CRTC3: variants seen among roughly 807,000 people sequenced by gnomAD.
CRTC3 encodes CREB regulated transcription coactivator 3, also known as CREB-regulated transcription coactivator 3.
In CRTC3, 26 loss-of-function variants were observed where a neutral mutation model predicts 74.5. The observed-to-expected ratio is 0.35, with a 90% CI of 0.26 to 0.48. The LOEUF is 0.48. CRTC3 is among the 20% of genes least tolerant of loss of function. The pLI, the probability that CRTC3 is intolerant of heterozygous loss-of-function variation, is 0.99. For missense variants in CRTC3, 760 were observed against 787.3 expected (o/e 0.97, Z 0.41); for synonymous variants, 377 against 325.8 (o/e 1.16, Z -1.69).
chr15:90,555,980 A>G (rs1966885504), intron 2 of CRTC3, among the ~76,000 whole-genome samples: 2 of 152,154 alleles, frequency 1.3e-5, no homozygotes, highest in Non-Finnish European at 2.9e-5. Context: ...GGAACAGAAA[A>G]AATGAGCCAT....
chr15:90,552,153 A>C (rs1966860331), intron 2 of CRTC3, among the ~76,000 whole-genome samples: 1 of 152,222 alleles, frequency 6.6e-6, no homozygotes, highest in Admixed American at 6.5e-5. Flanking sequence ...TGTATTAGGC[A>C]CAGGACACAT....
intron 6 of CRTC3, among the ~76,000 whole-genome samples, chr15:90,613,149 C>T (rs1396921537): frequency 6.8e-6 from 1 of 146,676 alleles, no homozygotes; most frequent in African/African-American, 2.6e-5. Flanking sequence ...CGCCACCGCA[C>T]TCCAGCCTGG....
chr15:90,641,000 T>C lies in CRTC3; in HGVS notation c.1549-97T>C. On this transcript the variant is annotated intron_variant, in intron 13 of 14. Coordinates refer to ENST00000268184, the MANE Select transcript of CRTC3 (RefSeq NM_022769.5). ...GGAAAGAAGGGAATATGGATTAGTT[T>C]GCAAGTCAGGTTTTGCTCTGGGAGC... is the stretch of plus-strand genomic sequence containing the variant. 4 of 771,546 alleles carry C rather than the reference T, an allele frequency of 5.2e-6. No homozygotes were observed. In the South Asian group the frequency reaches 5.8e-5, roughly 11 times the overall value. The allele number at this position is 771,546 out of a possible 1,614,324, so 47.8% of individuals were successfully genotyped here.
chr15:90,593,560 G>A (rs1218610782), intron 2 of CRTC3, 76 bp from the exon 3 acceptor site: 5 of 1,547,762 alleles, frequency 3.2e-6, no homozygotes, highest in East Asian at 4.6e-5. Context: ...TTCATCTCCT[G>A]TTGTTATCAG....
intron 11 of CRTC3, 98 bp from the exon 12 acceptor site, chr15:90,638,348 A>G: frequency 4.8e-6 from 5 of 1,043,922 alleles, no homozygotes; most frequent in South Asian, 4.2e-5. Flanking sequence ...GGTGAGGAAA[A>G]TCTCAGGCTT....
chr15:90,558,289 A>C (rs1294455901), intron 2 of CRTC3, among the ~76,000 whole-genome samples: 3 of 152,052 alleles, frequency 2.0e-5, no homozygotes, highest in Non-Finnish European at 1.5e-5. Flanking sequence ...CTGGCAGAGG[A>C]GTCCTGTCTT....
In CRTC3 at chr15:90,534,298, G is replaced by A. The variant is rs184717413; in HGVS notation, c.132+4095G>A. Reference sequence around the variant, plus strand: ...CTTCATTAAGTGGACACTGGCAGGAGCAGGTTTGTGCGGAAATGCTGAGTT... The same window carrying A: ...CTTCATTAAGTGGACACTGGCAGGAACAGGTTTGTGCGGAAATGCTGAGTT... On this transcript the variant is annotated intron_variant, in intron 1 of 14. Coordinates refer to ENST00000268184, the MANE Select transcript of CRTC3 (RefSeq NM_022769.5). Among the ~76,000 whole-genome samples the A allele has an allele frequency of 4.4e-4, 67 of 152,302 alleles. 1 individual carries two copies. The highest frequency in any genetic ancestry group is 1.6e-3 in the African/African-American group (66 of 41,572).
At chr15:90,592,873 G>A (rs1251885172) in intron 2 of CRTC3, among the ~76,000 whole-genome samples, 3 of 152,144 alleles carry the variant, frequency 2.0e-5, no homozygotes, top group East Asian at 1.9e-4. Context: ...ATTTATGGGT[G>A]GGTGCGGTGG....
chr15:90,552,976 C>T lies in CRTC3; in HGVS notation c.231+12839C>T, dbSNP rs183074667. On this transcript the variant is annotated intron_variant, in intron 2 of 14. Transcript: ENST00000268184. Reference sequence around the variant, plus strand: ...CCCTACTCTTGGTACAGCATGCTCTCTGCCAGCCCTGAGACAATCTGCTTT... The same window carrying T: ...CCCTACTCTTGGTACAGCATGCTCTTTGCCAGCCCTGAGACAATCTGCTTT... Among the ~76,000 whole-genome samples the T allele has an allele frequency of 2.2e-3, 339 of 152,272 alleles. 3 individuals carry two copies. The highest frequency in any genetic ancestry group is 1.4e-3 in the Non-Finnish European group (92 of 68,020).
At chr15:90,543,590 C>T (rs1966838377) in intron 2 of CRTC3, among the ~76,000 whole-genome samples, 1 of 152,038 alleles carries the variant, frequency 6.6e-6, no homozygotes, top group South Asian at 2.1e-4. Flanking sequence ...GCTTGAAGCG[C>T]AAGCTAATCT....
At position 90,607,432 on chromosome 15, in the gene CRTC3, C is replaced by G. The variant is rs745482137; in HGVS notation, c.531C>G (p.Asp177Glu). 1.9e-6 allele frequency: 3 copies of G among 1,613,418 alleles called. No homozygotes were observed. The South Asian group carries it at 3.3e-5, about 18-fold the overall frequency. ...HTSALSTKPQ[D>E]PYGGGGQSAW... Reference sequence around the variant, plus strand: ...GTGCTCTGAGTACCAAGCCCCAGGACCCCTATGGAGGAGGGGGCCAGTCGG... The same window carrying G: ...GTGCTCTGAGTACCAAGCCCCAGGAGCCCTATGGAGGAGGGGGCCAGTCGG... The change falls in exon 6 of 15, where the codon GAC (aspartate) becomes GAG (glutamate). Residue 177 changes from aspartate to glutamate, a missense_variant. By Grantham distance (45) the Asp-to-Glu change is conservative. Coordinates refer to ENST00000268184, the MANE Select transcript of CRTC3 (RefSeq NM_022769.5).
intron 6 of CRTC3, among the ~76,000 whole-genome samples, chr15:90,610,610 T>A (rs1213008370): frequency 6.6e-6 from 1 of 152,250 alleles, no homozygotes; most frequent in East Asian, 1.9e-4. Flanking sequence ...ACAGGATTTT[T>A]ATAATTTCTC....
rs541658198 is a variant in CRTC3, at chr15:90,623,840, C to T, written c.750-1936C>T. Among the ~76,000 whole-genome samples the T allele has an allele frequency of 2.4e-4, 36 of 152,314 alleles. No homozygotes were observed. In the South Asian group the frequency reaches 3.7e-3, roughly 16 times the overall value. On this transcript the variant is annotated intron_variant, in intron 9 of 14. Coordinates refer to ENST00000268184, the MANE Select transcript of CRTC3 (RefSeq NM_022769.5). ...ACCAGCCCTCCTAAACTCAACCTCC[C>T]GTGGTCTGAATCCTCACAGTTCTGA... is the stretch of plus-strand genomic sequence containing the variant.
At chr15:90,638,129 C>G (rs1301208888) in intron 11 of CRTC3, 1 of 305,852 alleles carries the variant, frequency 3.3e-6, no homozygotes, top group Non-Finnish European at 6.0e-6. Flanking sequence ...CCACTTTTAA[C>G]CAGAAGACAC....
chr15:90,620,448 G>A (rs1265133618), intron 9 of CRTC3, among the ~76,000 whole-genome samples: 2 of 152,134 alleles, frequency 1.3e-5, no homozygotes, highest in East Asian at 3.8e-4. Context: ...CAAAAATATA[G>A]TACAAGCAAA....
At chr15:90,636,137 T>A (rs1444391561) in intron 11 of CRTC3, among the ~76,000 whole-genome samples, 1 of 151,446 alleles carries the variant, frequency 6.6e-6, no homozygotes, top group Admixed American at 6.6e-5. Context: ...GGAGGCATCA[T>A]GCTACCTGAC....
chr15:90,571,454 G>A (rs537474707), intron 2 of CRTC3, among the ~76,000 whole-genome samples: 1 of 152,322 alleles, frequency 6.6e-6, no homozygotes, highest in African/African-American at 2.4e-5. Context: ...GGTGACACTG[G>A]AGCATAGATT....
chr15:90,619,110 TTTTA>T (rs1254927789), intron 8 of CRTC3, among the ~76,000 whole-genome samples: 6 of 152,380 alleles, frequency 3.9e-5, no homozygotes, highest in African/African-American at 1.2e-4. Context: ...TGCTTTTTTC[TTTTA>T]TTTATTTCAT....
At position 90,593,710 on chromosome 15, in the gene CRTC3, C is replaced by G. The variant is rs1038906451; in HGVS notation, c.306C>G (p.Arg102=). The change falls in exon 3 of 15, where the codon CGC becomes CGG. Residue 102 remains arginine, a synonymous_variant. Transcript: ENST00000268184. ...TGGTGGAGAGGCCATCCAGGAACCG[C>G]TTCCACCCCCTCCACCGAAGGTCTG... ...HGLVERPSRN[R]FHPLHRRSGD... is the part of the protein sequence containing the mutation. 1 of 1,611,380 alleles carries G rather than the reference C, an allele frequency of 6.2e-7. No homozygotes were observed. Among genetic ancestry groups the G allele is most frequent in the South Asian group, 1.1e-5 (1 of 90,922 alleles).
Sources: gnomAD v4.1 joint callset for allele counts (sites outside exome capture counted in the v4.1 genomes callset) on GRCh38, gnomAD v4.1.1 for gene constraint, MANE v1.5 for transcripts, NCBI Gene and HGNC (gene_info 2026-07-23, HGNC 2026-07-21) for gene names.